CCDC146: variants seen among roughly 807,000 people sequenced by gnomAD.
CCDC146 encodes the protein coiled-coil domain-containing protein 146.
In CCDC146, 92 loss-of-function variants were observed where a neutral mutation model predicts 119.3. The observed-to-expected ratio is 0.77, with a 90% CI of 0.65 to 0.92. The LOEUF (loss-of-function observed/expected upper bound fraction) is 0.92, where lower values mean the gene tolerates loss of function less well. Among genes scored for constraint, CCDC146 ranks in the 40% least tolerant of loss-of-function variants. The probability of loss-of-function intolerance (pLI) is 0.00; values close to 1 mark genes in which losing one functional copy is unlikely to be tolerated. For synonymous variants in CCDC146, 372 were observed against 371.8 expected, an observed-to-expected ratio of 1.00 and a Z score of -0.01; for missense variants, 1,000 against 1,103.0, an observed-to-expected ratio of 0.91 and a Z score of 1.32.
At chr7:77,147,225 A>G (rs58724857) in intron 1 of CCDC146, among the ~76,000 whole-genome samples, 1,670 of 152,274 alleles carry the variant, frequency 0.011, 23 homozygotes, top group African/African-American at 0.038. Context: ...TTGTGCATTC[A>G]TCATGTAGTT....
At chr7:77,138,440 T>A (rs1790889598) in intron 1 of CCDC146, among the ~76,000 whole-genome samples, 1 of 152,022 alleles carries the variant, frequency 6.6e-6, no homozygotes. Context: ...TTCTAGAAGA[T>A]AACATAGAAA....
chr7:77,179,481 A>G (rs896771531), intron 2 of CCDC146, among the ~76,000 whole-genome samples: 1 of 152,168 alleles, frequency 6.6e-6, no homozygotes, highest in African/African-American at 2.4e-5. Flanking sequence ...TTTTTCACAT[A>G]TTTATACAAT....
chr7:77,256,479 A>G lies in CCDC146; in HGVS notation c.654A>G (p.Glu218=). The G allele has an allele frequency of 6.2e-7, 1 of 1,605,990 alleles. No individual in the cohort carries two copies. The highest frequency in any genetic ancestry group is 8.5e-7 in the Non-Finnish European group (1 of 1,178,062). Residue 218 remains glutamate (E), a synonymous_variant, in exon 6 of 19, where the codon GAA becomes GAG. Transcript: ENST00000285871. ...TATTAAAAGAGCAGAAGGAACTAGA[A>G]GAATTGTTGGGACATCAGGTCGTCC... ...KQLLKEQKEL[E]ELLGHQVVLK... is the part of the protein sequence containing the mutation.
At chr7:77,124,835 T>C (rs1231925064) in intron 1 of CCDC146, among the ~76,000 whole-genome samples, 1 of 152,194 alleles carries the variant, frequency 6.6e-6, no homozygotes, top group Admixed American at 6.5e-5. Context: ...AAGCATAAAA[T>C]TAGGGATGCT....
intron 2 of CCDC146, chr7:77,198,290 G>T (rs913617186): frequency 1.0e-6 from 1 of 985,374 alleles, no homozygotes; most frequent in Non-Finnish European, 1.2e-6. Flanking sequence ...AGTGATCTCC[G>T]CCCTGTCCTT....
chr7:77,283,208 C>T (rs1793793355), intron 15 of CCDC146, among the ~76,000 whole-genome samples: 1 of 152,104 alleles, frequency 6.6e-6, no homozygotes, highest in Non-Finnish European at 1.5e-5. Context: ...GAGATTGTTG[C>T]TTATTAGTAG....
At chr7:77,278,432 A>T (rs1017155721) in intron 11 of CCDC146, among the ~76,000 whole-genome samples, 6 of 130,950 alleles carry the variant, frequency 4.6e-5, no homozygotes, top group African/African-American at 1.5e-4. Flanking sequence ...AAGCCAAGAA[A>T]TAATTTTTTT....
intron 1 of CCDC146, among the ~76,000 whole-genome samples, chr7:77,125,086 C>T (rs531233551): frequency 6.6e-6 from 1 of 151,994 alleles, no homozygotes; most frequent in African/African-American, 2.4e-5. Flanking sequence ...CCCAGCTACT[C>T]AGGAGGCTGA....
chr7:77,218,072 A>C (rs2150457874), intron 2 of CCDC146, among the ~76,000 whole-genome samples: 1 of 152,222 alleles, frequency 6.6e-6, no homozygotes, highest in South Asian at 2.1e-4. Flanking sequence ...CCACATGACC[A>C]ATGTGTTGTG....
At chr7:77,288,095 A>T (rs919810410) in intron 17 of CCDC146, among the ~76,000 whole-genome samples, 23 of 152,170 alleles carry the variant, frequency 1.5e-4, no homozygotes, top group Admixed American at 1.4e-3. Context: ...TAATTTAATA[A>T]GCGTAAGAGA....
intron 2 of CCDC146, chr7:77,198,421 AC>A (rs888316209): frequency 2.0e-6 from 1 of 488,784 alleles, no homozygotes; most frequent in African/African-American, 2.1e-5. Flanking sequence ...GAGAGTCAAT[AC>A]CACTGTTAGT....
chr7:77,189,285 G>A (rs566189657), intron 2 of CCDC146, among the ~76,000 whole-genome samples: 19 of 151,972 alleles, frequency 1.3e-4, no homozygotes, highest in Non-Finnish European at 2.4e-4. Flanking sequence ...CTAAAATCTT[G>A]CGGTTTTCTA....
intron 1 of CCDC146, among the ~76,000 whole-genome samples, chr7:77,157,551 G>T (rs1199837208): frequency 1.3e-5 from 2 of 152,046 alleles, no homozygotes; most frequent in African/African-American, 4.8e-5. Context: ...CAAAACAAGG[G>T]GTACCCTGCA....
At chr7:77,191,656 C>T (rs1791765051) in intron 2 of CCDC146, among the ~76,000 whole-genome samples, 1 of 152,084 alleles carries the variant, frequency 6.6e-6, no homozygotes, top group Admixed American at 6.5e-5. Flanking sequence ...CGCCTGTAAT[C>T]CCAGCACTTT....
At chr7:77,155,935 GA>G (rs1328461005) in intron 1 of CCDC146, among the ~76,000 whole-genome samples, 3 of 152,166 alleles carry the variant, frequency 2.0e-5, no homozygotes, top group East Asian at 1.9e-4. Context: ...AGAAAAAAGG[GA>G]AAAAATATAT....
chr7:77,193,701 C>T (rs1415966662), intron 2 of CCDC146: 1 of 151,596 alleles, frequency 6.6e-6, no homozygotes, highest in African/African-American at 2.4e-5. Flanking sequence ...TTTTTTTCCC[C>T]TCAGTCATAG....
intron 1 of CCDC146, among the ~76,000 whole-genome samples, chr7:77,133,223 C>T (rs1219342927): frequency 6.6e-6 from 1 of 152,118 alleles, no homozygotes; most frequent in Non-Finnish European, 1.5e-5. Flanking sequence ...GATAAAAACT[C>T]TCCACTAACT....
chr7:77,197,108 A>C (rs1049937427), intron 2 of CCDC146: 1 of 645,026 alleles, frequency 1.6e-6, no homozygotes, highest in African/African-American at 1.8e-5. Context: ...AACTTTACTA[A>C]ACTTACTTGA....
intron 9 of CCDC146, among the ~76,000 whole-genome samples, chr7:77,270,568 C>A (rs1793492044): frequency 6.6e-6 from 1 of 152,138 alleles, no homozygotes; most frequent in Admixed American, 6.5e-5. Flanking sequence ...AGTCTAACTC[C>A]AGCCTATTTT....
Sources: gnomAD v4.1 joint callset for allele counts (sites outside exome capture counted in the v4.1 genomes callset) on GRCh38, gnomAD v4.1.1 for gene constraint, MANE v1.5 for transcripts, NCBI Gene and HGNC (gene_info 2026-07-23, HGNC 2026-07-21) for gene names.